FUBP1: variants seen among roughly 807,000 people sequenced by gnomAD.
FUBP1 encodes the protein far upstream element binding protein 1, also known as far upstream element-binding protein 1.
A neutral mutation model predicts 94.9 loss-of-function variants in FUBP1; 16 were observed. The observed-to-expected ratio is 0.17, with a 90% confidence interval of 0.11 to 0.26. The LOEUF is 0.26. Among genes scored for constraint, FUBP1 ranks in the 10% least tolerant of loss-of-function variants. The pLI is 1.00. For missense variants in FUBP1, 583 were observed against 808.6 expected (o/e 0.72, Z 3.38); for synonymous variants, 279 against 254.9 (o/e 1.09, Z -0.90).
chr1:77,948,607 A>G lies in FUBP1; in HGVS notation c.*159T>C, dbSNP rs1254521274. 2 of 1,171,830 alleles carry G rather than the reference A, an allele frequency of 1.7e-6. No individual in the cohort carries two copies. The highest frequency in any genetic ancestry group is 5.5e-5 in the East Asian group (2 of 36,486). The allele number at this position is 1,171,830 out of a possible 1,614,324, so 72.6% of individuals were successfully genotyped here. A position where few individuals can be genotyped will look rare whatever the true frequency, so the allele number is the denominator to read the frequency against. On this transcript the variant is annotated 3_prime_UTR_variant, in exon 20 of 20. Coordinates refer to ENST00000370768, the MANE Select transcript of FUBP1 (RefSeq NM_003902.5). ...ATATTAACCTCCTATCAGTAGTGATAGATATTTTGTACATTTTCAAAAAAA... is the reference window on the plus strand; with the variant it reads ...ATATTAACCTCCTATCAGTAGTGATGGATATTTTGTACATTTTCAAAAAAA...
chr1:77,949,402 C>G (rs1339396932), intron 18 of FUBP1, 102 bp from the exon 19 acceptor site: 2 of 939,838 alleles, frequency 2.1e-6, no homozygotes, highest in African/African-American at 3.3e-5. Context: ...TTCTCCCAAG[C>G]CTTTGAATAA....
At chr1:77,975,499 G>C (rs1355975324) in intron 1 of FUBP1, among the ~76,000 whole-genome samples, 4 of 152,000 alleles carry the variant, frequency 2.6e-5, no homozygotes, top group African/African-American at 9.7e-5. Context: ...AACTGTCAGA[G>C]AAGAGACTGC....
At position 77,978,963 on chromosome 1, in the gene FUBP1, T is replaced by C. The variant is rs1659313138; in HGVS notation, c.42A>G (p.Ser14=). 1 of 1,613,482 alleles carries C rather than the reference T, an allele frequency of 6.2e-7. No homozygotes were observed. Among genetic ancestry groups the C allele is most frequent in the South Asian group, 1.1e-5 (1 of 91,060 alleles). The change falls in exon 1 of 20, where the codon TCA becomes TCG. Residue 14 remains serine, a synonymous_variant. Transcript: ENST00000370768. ...YSTVPPPSSG[S]AGGGGGGGGG... is the part of the protein sequence containing the mutation. ...CACCGCCGCCACCACCGCCACCAGC[T>C]GAGCCAGAAGAGGGGGGAGGCACTG...
intron 1 of FUBP1, among the ~76,000 whole-genome samples, chr1:77,973,762 G>A (rs1200452795): frequency 1.3e-5 from 2 of 152,026 alleles, no homozygotes; most frequent in Admixed American, 6.5e-5. Flanking sequence ...TGCTCTTCAC[G>A]GTTTCAGTTA....
Position 77,974,564 on chromosome 1 carries a change from T to C in FUBP1, c.120+4321A>G, listed in dbSNP as rs551626831. On this transcript the variant is annotated intron_variant, in intron 1 of 19. Coordinates refer to ENST00000370768, the MANE Select transcript of FUBP1 (RefSeq NM_003902.5). ...GATTACAGCCATGAGCCACCTTGGC[T>C]AGCTGATTTCTTTTCAAAGACAACG... Among the ~76,000 whole-genome samples, 36 of 152,202 alleles carry C rather than the reference T, an allele frequency of 2.4e-4. 1 individual carries two copies. The highest frequency in any genetic ancestry group is 4.6e-4 in the Non-Finnish European group (31 of 68,030).
In FUBP1 at chr1:77,962,749, A is replaced by ATACTCACACC. The variant is rs1571296220; in HGVS notation, c.1344+20_1344+21insGGTGTGAGTA. Reference sequence around the variant, plus strand: ...AGTCTAAGGGTCTACACTAAAAATTAAAAGTTTAAAGTATACTCACACCAA... The same window carrying ATACTCACACC: ...AGTCTAAGGGTCTACACTAAAAATTATACTCACACCAAAGTTTAAAGTATACTCACACCAA... On this transcript the variant is annotated intron_variant, in intron 14 of 19. Transcript: ENST00000370768. 29 of 1,571,478 alleles carry ATACTCACACC rather than the reference A, an allele frequency of 1.8e-5. 1 individual carries two copies. In the East Asian group the frequency reaches 6.3e-4, roughly 34 times the overall value.
Position 77,962,804 on chromosome 1 carries a change from T to C in FUBP1, c.1310A>G (p.Asp437Gly), listed in dbSNP as rs1201601258. ...TTCTTCTATGAGTTGCCGAGCATAG[T>C]CTATCTGTTGTGGAGTGCCACGAAT... is the stretch of plus-strand genomic sequence containing the variant. ...FTIRGTPQQI[D>G]YARQLIEEKI... The change falls in exon 14 of 20, where the codon GAC (aspartate) becomes GGC (glycine). Residue 437 changes from aspartate (D) to glycine (G), a missense_variant. Asp to Gly is a moderately conservative substitution (Grantham distance 94). Coordinates refer to ENST00000370768, the MANE Select transcript of FUBP1 (RefSeq NM_003902.5). 2 of 1,612,242 alleles carry C rather than the reference T, an allele frequency of 1.2e-6. No homozygotes were observed. The highest frequency in any genetic ancestry group is 1.7e-5 in the Admixed American group (1 of 59,942).
chr1:77,962,672 T>C, intron 14 of FUBP1, 98 bp downstream of exon 14: 6 of 661,658 alleles, frequency 9.1e-6, no homozygotes, highest in Non-Finnish European at 1.5e-5. Context: ...TGCTGACTAG[T>C]AATGATACAT....
chr1:77,967,038 A>T lies in FUBP1; in HGVS notation c.343+11T>A. The stretch of plus-strand genomic sequence containing the variant: ...TCATGTTTTCAAAACTTTAAAAATC[A>T]AGTTACTTACTGAATCCAACCATTC... On this transcript the variant is annotated intron_variant, in intron 5 of 19. Coordinates refer to ENST00000370768, the MANE Select transcript of FUBP1 (RefSeq NM_003902.5). The T allele has an allele frequency of 6.4e-7, 1 of 1,572,180 alleles. No individual in the cohort carries two copies. The highest frequency in any genetic ancestry group is 1.7e-4 in the Middle Eastern group (1 of 5,964).
At position 77,949,150 on chromosome 1, in the gene FUBP1, T is replaced by C. The variant is rs367613192; in HGVS notation, c.1926+5A>G. 1 of 1,610,550 alleles carries C rather than the reference T, an allele frequency of 6.2e-7. No homozygotes were observed. The highest frequency in any genetic ancestry group is 8.5e-7 in the Non-Finnish European group (1 of 1,177,470). ...GAAATCAACAAATTAGCAATTACATTATACCTGAGGTGCTGGAGGATGCTG... is the reference window on the plus strand; with the variant it reads ...GAAATCAACAAATTAGCAATTACATCATACCTGAGGTGCTGGAGGATGCTG... On this transcript the variant is annotated splice_donor_5th_base_variant and intron_variant, in intron 19 of 19. Coordinates refer to ENST00000370768, the MANE Select transcript of FUBP1 (RefSeq NM_003902.5).
At position 77,944,950 on chromosome 1, in the gene FUBP1, C is replaced by T. The variant is rs1651848823; in HGVS notation, c.*3816G>A. The stretch of plus-strand genomic sequence containing the variant: ...AAGCTGTCTTAAAAAAAACTAAAAA[C>T]ATTGTCAAATTTTTGTTTAAGTGCT... On this transcript the variant is annotated 3_prime_UTR_variant, in exon 20 of 20. Transcript: ENST00000370768. Among the ~76,000 whole-genome samples the T allele has an allele frequency of 6.6e-6, 1 of 151,868 alleles. No homozygotes were observed. The highest frequency in any genetic ancestry group is 2.4e-5 in the African/African-American group (1 of 41,398).
At chr1:77,950,007 G>A (rs1653076820) in intron 18 of FUBP1, among the ~76,000 whole-genome samples, 1 of 152,180 alleles carries the variant, frequency 6.6e-6, no homozygotes, top group Admixed American at 6.5e-5. Flanking sequence ...CAAATAAGGT[G>A]ACTTTGCTGA....
chr1:77,958,492 G>C (rs1654885625), intron 16 of FUBP1, among the ~76,000 whole-genome samples: 1 of 152,156 alleles, frequency 6.6e-6, no homozygotes, highest in Admixed American at 6.5e-5. Context: ...TATTAAAACA[G>C]TATGCTATTC....
At chr1:77,976,467 G>A (rs531560258) in intron 1 of FUBP1, among the ~76,000 whole-genome samples, 1 of 152,010 alleles carries the variant, frequency 6.6e-6, no homozygotes, top group Non-Finnish European at 1.5e-5. Flanking sequence ...GAAGTATAAA[G>A]AAATTATGGC....
At chr1:77,949,775 A>C (rs527618498) in intron 18 of FUBP1, among the ~76,000 whole-genome samples, 2 of 152,346 alleles carry the variant, frequency 1.3e-5, no homozygotes, top group Admixed American at 6.5e-5. Flanking sequence ...CTTTAAGCCC[A>C]CTTAAAGGCA....
rs776804514 is a variant in FUBP1 at position 77,965,246 on chromosome 1, A to T, written c.474-15T>A. ...GTTTTGCTGACCTGTTAACAAATTA[A>T]TATTTAAATAGTAAGCTGTAGCATA... On this transcript the variant is annotated splice_polypyrimidine_tract_variant and intron_variant, in intron 7 of 19. Coordinates refer to ENST00000370768, the MANE Select transcript of FUBP1 (RefSeq NM_003902.5). 3 of 1,570,424 alleles carry T rather than the reference A, an allele frequency of 1.9e-6. No individual in the cohort carries two copies. The highest frequency in any genetic ancestry group is 1.7e-6 in the Non-Finnish European group (2 of 1,144,238).
At chr1:77,963,151 T>C (rs1405373511) in intron 13 of FUBP1, among the ~76,000 whole-genome samples, 1 of 152,256 alleles carries the variant, frequency 6.6e-6, no homozygotes, top group Admixed American at 6.5e-5. Context: ...ATTTACTTAG[T>C]ATGTTTAAAC....
At chr1:77,972,045 A>G (rs1485156388) in intron 1 of FUBP1, among the ~76,000 whole-genome samples, 4 of 151,600 alleles carry the variant, frequency 2.6e-5, no homozygotes, top group Non-Finnish European at 5.9e-5. Flanking sequence ...CGCTTTGGTC[A>G]ATCTAACCTT....
chr1:77,947,266 C>A lies in FUBP1; in HGVS notation c.*1500G>T. 3.4e-6 allele frequency: 1 copy of A among 294,518 alleles called. No individual in the cohort carries two copies. Among genetic ancestry groups the A allele is most frequent in the Non-Finnish European group, 6.6e-6 (1 of 151,564 alleles). The allele number at this position is 294,518 out of a possible 1,614,324, so 18.2% of individuals were successfully genotyped here. ...ATATAAAAAATACTTACCCATTAAG[C>A]TCACTTTAAAAAAAATACAGAACTA... On this transcript the variant is annotated 3_prime_UTR_variant, in exon 20 of 20. Coordinates refer to ENST00000370768, the MANE Select transcript of FUBP1 (RefSeq NM_003902.5).
Sources: gnomAD v4.1 joint callset for allele counts (sites outside exome capture counted in the v4.1 genomes callset) on GRCh38, gnomAD v4.1.1 for gene constraint, MANE v1.5 for transcripts, NCBI Gene and HGNC (gene_info 2026-07-23, HGNC 2026-07-21) for gene names.